The following FBXO32 variants were observed in gnomAD, a reference collection of about 807,000 sequenced individuals.
FBXO32 encodes F-box only protein 32.
FBXO32 carries 15 observed loss-of-function variants against 48.3 expected under a neutral mutation model. The ratio of observed to expected loss-of-function variants is 0.31; its 90% CI spans 0.21 to 0.48. The LOEUF (loss-of-function observed/expected upper bound fraction) is 0.48, where lower values mean the gene tolerates loss of function less well. Among genes scored for constraint, FBXO32 ranks in the 20% least tolerant of loss-of-function variants. The pLI is 0.99. For synonymous variants in FBXO32, 154 were observed against 165.9 expected, an observed-to-expected ratio of 0.93 and a Z score of 0.55; for missense variants, 309 against 432.7, an observed-to-expected ratio of 0.71 and a Z score of 2.54.
chr8:123,534,910 A>G, intron 1 of FBXO32, 96 bp from the exon 2 acceptor site: 1 of 671,570 alleles, frequency 1.5e-6, no homozygotes, highest in Non-Finnish European at 2.5e-6. Context: ...AAGACAAACA[A>G]ACATACAGGC....
chr8:123,532,156 G>A, intron 3 of FBXO32, 166 bp from the exon 4 acceptor site: 1 of 1,395,882 alleles, frequency 7.2e-7, no homozygotes, highest in Non-Finnish European at 9.3e-7. Flanking sequence ...AAGCCCTTGA[G>A]AGCCACCAAG....
chr8:123,528,576 A>G (rs553639763), intron 4 of FBXO32, among the ~76,000 whole-genome samples: 23 of 152,310 alleles, frequency 1.5e-4, no homozygotes, highest in African/African-American at 5.5e-4. Flanking sequence ...GAGCAGGGCC[A>G]ATGCATGTAG....
intron 1 of FBXO32, among the ~76,000 whole-genome samples, chr8:123,538,625 T>C (rs949890477): frequency 2.2e-4 from 34 of 152,056 alleles, no homozygotes; most frequent in South Asian, 4.2e-4. Context: ...AGGGAAGGGA[T>C]TGTTTACAGT....
rs368214200 is a variant in FBXO32, at chr8:123,531,031, G to A, written c.372+867C>T. On this transcript the variant is annotated intron_variant, in intron 4 of 8. Transcript: ENST00000517956. ...TCTCACTCCTGTTGCCCAGGCTGGA[G>A]TGCAATGGCGCAATCTCAGCTCACT... Among the ~76,000 whole-genome samples the A allele has an allele frequency of 4.4e-4, 59 of 135,388 alleles. No homozygotes were observed. In the South Asian group the frequency reaches 0.014, roughly 32 times the overall value. 88.8% of individuals were successfully genotyped at this position (135,388 alleles called of 152,430 possible).
intron 4 of FBXO32, among the ~76,000 whole-genome samples, chr8:123,519,196 T>C (rs1816899064): frequency 1.3e-5 from 2 of 152,196 alleles, no homozygotes; most frequent in African/African-American, 2.4e-5. Flanking sequence ...GGCCAAATTT[T>C]ACTCCAAAAT....
At chr8:123,517,713 A>C (rs1816868370) in intron 4 of FBXO32, among the ~76,000 whole-genome samples, 1 of 152,172 alleles carries the variant, frequency 6.6e-6, no homozygotes, top group Admixed American at 6.5e-5. Context: ...TAAGTCATTT[A>C]ATCCCTCTGA....
intron 4 of FBXO32, among the ~76,000 whole-genome samples, chr8:123,516,560 C>T (rs137877752): frequency 6.6e-6 from 1 of 152,322 alleles, no homozygotes; most frequent in Non-Finnish European, 1.5e-5. Flanking sequence ...ACTTTTGGAT[C>T]AACGGCCTAG....
chr8:123,514,691 C>T (rs1035108400), intron 4 of FBXO32, among the ~76,000 whole-genome samples: 24 of 152,198 alleles, frequency 1.6e-4, no homozygotes, highest in African/African-American at 4.6e-4. Flanking sequence ...AATCACCTCC[C>T]GGGGGAATTC....
At position 123,501,738 on chromosome 8, in the gene FBXO32, C is replaced by G. The variant is rs6990407; in HGVS notation, c.*1635G>C. 0.77 allele frequency: 117,124 copies of G among 152,050 alleles called. 45,918 individuals are homozygous for G. Among genetic ancestry groups the G allele is most frequent in the Non-Finnish European group, 0.86 (58,371 of 68,004 alleles). The allele number at this position is 152,050 out of a possible 1,614,324, so 9.4% of individuals were successfully genotyped here. On this transcript the variant is annotated 3_prime_UTR_variant, in exon 9 of 9. Coordinates refer to ENST00000517956, the MANE Select transcript of FBXO32 (RefSeq NM_058229.4). ...TTCCCCCTTTCCAGGTCACCCAAAG[C>G]TCAGCTCTTAAAGATACACTGTTCC... is the stretch of plus-strand genomic sequence containing the variant.
rs1465660194 is a variant in FBXO32, at chr8:123,513,186, C to T, written c.651+12G>A. The T allele has an allele frequency of 6.2e-7, 1 of 1,613,796 alleles. No homozygotes were observed. Among genetic ancestry groups the T allele is most frequent in the African/African-American group, 1.3e-5 (1 of 74,906 alleles). ...ACCCACTGCCGGGAGGAGGCTGGGC[C>T]TGCCCGCTTACCCTGGTGATCTGAA... On this transcript the variant is annotated intron_variant, in intron 6 of 8. Transcript: ENST00000517956. The surrounding 1 kb of genome is among the most constrained non-coding windows in gnomAD (Gnocchi z 4.3).
intron 4 of FBXO32, among the ~76,000 whole-genome samples, chr8:123,531,484 G>A (rs1817207897): frequency 6.6e-6 from 1 of 152,240 alleles, no homozygotes; most frequent in South Asian, 2.1e-4. Flanking sequence ...GAGATACAGG[G>A]TTTTGAAACA....
chr8:123,513,172 G>A lies in FBXO32; in HGVS notation c.651+26C>T. ...ATCCCTGTGGAGGGACCCACTGCCG[G>A]GAGGAGGCTGGGCCTGCCCGCTTAC... On this transcript the variant is annotated intron_variant, in intron 6 of 8. Coordinates refer to ENST00000517956, the MANE Select transcript of FBXO32 (RefSeq NM_058229.4). The surrounding 1 kb of genome is among the most constrained non-coding windows in gnomAD (Gnocchi z 4.3). The A allele has an allele frequency of 1.2e-6, 2 of 1,613,380 alleles. No individual in the cohort carries two copies. The highest frequency in any genetic ancestry group is 1.7e-6 in the Non-Finnish European group (2 of 1,179,448).
At chr8:123,538,827 C>G (rs1433408014) in intron 1 of FBXO32, among the ~76,000 whole-genome samples, 4 of 151,922 alleles carry the variant, frequency 2.6e-5, no homozygotes, top group Non-Finnish European at 5.9e-5. Context: ...ATGAACAGGA[C>G]ACGGGAGGGG....
rs546705656 is a variant in FBXO32 at position 123,536,290 on chromosome 8, C to T, written c.117-1476G>A. 6.6e-5 allele frequency among the ~76,000 whole-genome samples: 10 copies of T among 152,226 alleles called. No homozygotes were observed. In the South Asian group the frequency reaches 1.9e-3, roughly 28 times the overall value. ...GATATTTTTAGGTTTCAGATAGAGT[C>T]CTGCAGAAATGTCCTCTCAGAGGCA... On this transcript the variant is annotated intron_variant, in intron 1 of 8. Coordinates refer to ENST00000517956, the MANE Select transcript of FBXO32 (RefSeq NM_058229.4).
intron 4 of FBXO32, among the ~76,000 whole-genome samples, chr8:123,520,992 C>T (rs554175716): frequency 2.0e-5 from 3 of 152,348 alleles, no homozygotes; most frequent in Admixed American, 6.5e-5. Context: ...TCCATCCCAT[C>T]CCTCAGGTCT....
intron 4 of FBXO32, among the ~76,000 whole-genome samples, chr8:123,517,464 A>C (rs974751348): frequency 7.0e-6 from 1 of 143,566 alleles, no homozygotes; most frequent in African/African-American, 2.5e-5. Flanking sequence ...TCTCAAGGGA[A>C]AGTCCCCCCT....
In FBXO32 at chr8:123,536,257, G is replaced by C. The variant is rs533104341; in HGVS notation, c.117-1443C>G. Among the ~76,000 whole-genome samples, 3 of 152,096 alleles carry C rather than the reference G, an allele frequency of 2.0e-5. No individual in the cohort carries two copies. The East Asian group carries it at 5.8e-4, about 29-fold the overall frequency. On this transcript the variant is annotated intron_variant, in intron 1 of 8. Transcript: ENST00000517956. ...CAATAGCTTTCTCCTTTTCATTCAG[G>C]GAAACAGGATATTTTTAGGTTTCAG...
At chr8:123,530,654 C>T (rs1165705546) in intron 4 of FBXO32, among the ~76,000 whole-genome samples, 4 of 152,168 alleles carry the variant, frequency 2.6e-5, no homozygotes, top group African/African-American at 9.7e-5. Flanking sequence ...CTCGCACTGT[C>T]GCCCAGGCTG....
At chr8:123,533,147 G>C (rs557239414) in intron 3 of FBXO32, 44 bp downstream of exon 3, 1 of 1,466,208 alleles carries the variant, frequency 6.8e-7, no homozygotes, top group East Asian at 2.3e-5. Context: ...CTATCAGGAA[G>C]GGATAAGGTT....
Sources: allele counts gnomAD v4.1 joint callset (sites outside exome capture counted in the v4.1 genomes callset), GRCh38; gene constraint gnomAD v4.1.1; non-coding constraint Gnocchi (gnomAD v3.1); transcripts MANE v1.5; gene names NCBI Gene and HGNC (gene_info 2026-07-23, HGNC 2026-07-21).